The following DLG2 variants were observed in gnomAD, a reference collection of about 807,000 sequenced individuals.
DLG2 encodes the protein discs large MAGUK scaffold protein 2, also known as disks large homolog 2.
In DLG2, 45 loss-of-function variants were observed where a neutral mutation model predicts 132.5. The observed-to-expected ratio is 0.34, with a 90% CI of 0.27 to 0.44. DLG2 has a LOEUF of 0.44. Among genes scored for constraint, DLG2 ranks in the 20% least tolerant of loss-of-function variants. The pLI, the probability that DLG2 is intolerant of heterozygous loss-of-function variation, is 1.00. For missense variants in DLG2, 1,045 were observed against 1,196.9 expected (o/e 0.87, Z 1.87); for synonymous variants, 424 against 419.6 (o/e 1.01, Z -0.13).
chr11:83,539,033 C>T (rs2095980884), intron 20 of DLG2, among the ~76,000 whole-genome samples: 1 of 152,198 alleles, frequency 6.6e-6, no homozygotes, highest in Non-Finnish European at 1.5e-5. Context: ...TAATGAACCT[C>T]TCTGTGCCTC....
intron 11 of DLG2, among the ~76,000 whole-genome samples, chr11:84,049,864 G>T (rs1318252582): frequency 6.6e-6 from 1 of 151,772 alleles, no homozygotes; most frequent in African/African-American, 2.4e-5. Flanking sequence ...GCTTTATGGA[G>T]AAGTTAACAC....
chr11:84,203,526 G>C (rs1343825408), intron 8 of DLG2, among the ~76,000 whole-genome samples: 3 of 145,016 alleles, frequency 2.1e-5, no homozygotes, highest in African/African-American at 7.7e-5. Flanking sequence ...AGCTTGCAGT[G>C]AGCCGAGATT....
chr11:83,480,681 T>C (rs565783743), intron 22 of DLG2: 4 of 1,490,438 alleles, frequency 2.7e-6, no homozygotes, highest in Admixed American at 4.0e-5. Flanking sequence ...AATGTCAATT[T>C]AGGCGATTAG....
intron 6 of DLG2, among the ~76,000 whole-genome samples, chr11:84,624,833 GTTACCTCTCAGAAGAGA>G: frequency 7.1e-6 from 1 of 140,038 alleles, no homozygotes; most frequent in Non-Finnish European, 1.5e-5. Flanking sequence ...TCTTCTGAGA[GTTACCTCTCAGAAGAGA>G]GTCAACCTTT....
chr11:85,100,087 T>C (rs1440301047), intron 6 of DLG2, among the ~76,000 whole-genome samples: 1 of 152,144 alleles, frequency 6.6e-6, no homozygotes, highest in Non-Finnish European at 1.5e-5. Flanking sequence ...AAAATTAAAT[T>C]CTATGCTCTT....
chr11:83,865,030 A>T (rs1163570384), intron 16 of DLG2, among the ~76,000 whole-genome samples: 3 of 152,182 alleles, frequency 2.0e-5, no homozygotes, highest in Non-Finnish European at 4.4e-5. Flanking sequence ...TTGTCCCGCA[A>T]ATATTCATCA....
intron 6 of DLG2, among the ~76,000 whole-genome samples, chr11:84,942,241 G>T (rs1187920174): frequency 6.6e-6 from 1 of 151,670 alleles, no homozygotes; most frequent in Non-Finnish European, 1.5e-5. Context: ...ATCTATTTCT[G>T]GTCTGATCTT....
chr11:85,486,275 G>A (rs2093427123), intron 3 of DLG2, among the ~76,000 whole-genome samples: 1 of 151,928 alleles, frequency 6.6e-6, no homozygotes, highest in Non-Finnish European at 1.5e-5. Context: ...CAGAGCAAGA[G>A]CAGTATGCAT....
At chr11:85,003,953 G>A (rs1405130804) in intron 6 of DLG2, among the ~76,000 whole-genome samples, 2 of 152,108 alleles carry the variant, frequency 1.3e-5, no homozygotes, top group Non-Finnish European at 2.9e-5. Flanking sequence ...TCCCACTTAT[G>A]AGTGAGAACA....
intron 3 of DLG2, among the ~76,000 whole-genome samples, chr11:85,374,243 T>C (rs1483360391): frequency 1.3e-5 from 2 of 152,124 alleles, no homozygotes. Context: ...TTACTAAAAC[T>C]TTCACCTGTG....
chr11:84,846,711 C>T (rs1044962391), intron 6 of DLG2, among the ~76,000 whole-genome samples: 1 of 152,094 alleles, frequency 6.6e-6, no homozygotes, highest in Non-Finnish European at 1.5e-5. Flanking sequence ...TTTGACTGGT[C>T]TGTGGCTTAT....
intron 6 of DLG2, among the ~76,000 whole-genome samples, chr11:84,671,237 T>A (rs1446342360): frequency 6.6e-6 from 1 of 152,100 alleles, no homozygotes; most frequent in African/African-American, 2.4e-5. Context: ...TAGCTGTGAC[T>A]ATAGGTACAT....
chr11:84,738,907 C>T (rs1296520839), intron 6 of DLG2, among the ~76,000 whole-genome samples: 1 of 151,992 alleles, frequency 6.6e-6, no homozygotes, highest in Non-Finnish European at 1.5e-5. Context: ...TATGTAAAAC[C>T]TCAGAAGTAT....
chr11:84,002,233 G>C (rs71469609), intron 11 of DLG2, among the ~76,000 whole-genome samples: 3,367 of 152,284 alleles, frequency 0.022, 68 homozygotes, highest in Middle Eastern at 0.034. Context: ...CACGACCATT[G>C]ATACATGCAT....
intron 15 of DLG2, among the ~76,000 whole-genome samples, chr11:83,899,441 C>T (rs2154097332): frequency 6.6e-6 from 1 of 152,290 alleles, no homozygotes; most frequent in East Asian, 1.9e-4. Flanking sequence ...TATGGATTAG[C>T]TCTGTGTCCC....
At chr11:84,448,554 C>T (rs781669938) in intron 7 of DLG2, among the ~76,000 whole-genome samples, 19 of 152,098 alleles carry the variant, frequency 1.2e-4, no homozygotes, top group Admixed American at 3.3e-4. Flanking sequence ...GTCTGCAGCC[C>T]TATCCACCTT....
intron 7 of DLG2, among the ~76,000 whole-genome samples, chr11:84,347,383 C>A (rs956513839): frequency 6.6e-6 from 1 of 152,140 alleles, no homozygotes; most frequent in Non-Finnish European, 1.5e-5. Flanking sequence ...TTTTGTTAAG[C>A]CAGTAGTTTC....
At chr11:85,547,678 C>T (rs557745563) in intron 3 of DLG2, among the ~76,000 whole-genome samples, 16 of 152,010 alleles carry the variant, frequency 1.1e-4, no homozygotes, top group Non-Finnish European at 2.2e-4. Context: ...AGGTTTTGTT[C>T]GTTTCTTTTC....
chr11:84,072,855 A>C (rs1378417240), intron 10 of DLG2, among the ~76,000 whole-genome samples: 1 of 152,214 alleles, frequency 6.6e-6, no homozygotes, highest in African/African-American at 2.4e-5. Flanking sequence ...TAACCCTGAT[A>C]AAAGATATAA....
Sources: gnomAD v4.1 joint callset for allele counts (sites outside exome capture counted in the v4.1 genomes callset) on GRCh38, gnomAD v4.1.1 for gene constraint, MANE v1.5 for transcripts, NCBI Gene and HGNC (gene_info 2026-07-23, HGNC 2026-07-21) for gene names.